RSBN1: variants seen among roughly 807,000 people sequenced by gnomAD.
RSBN1 encodes the protein round spermatid basic protein 1.
A neutral mutation model predicts 74.8 loss-of-function variants in RSBN1; 23 were observed. That is an observed-to-expected ratio of 0.31 (90% CI 0.22 to 0.44). RSBN1 has a LOEUF of 0.44. RSBN1 is among the 20% of genes least tolerant of loss of function. RSBN1 has a pLI of 1.00. For synonymous variants in RSBN1, 407 were observed against 379.6 expected (o/e 1.07, Z -0.84); for missense variants, 808 against 1,020.9 (o/e 0.79, Z 2.84).
Position 113,797,402 on chromosome 1 carries a change from T to C in RSBN1, c.1338A>G (p.Lys446=), listed in dbSNP as rs1296152208. 6.2e-7 allele frequency: 1 copy of C among 1,610,718 alleles called. No homozygotes were observed. Among genetic ancestry groups the C allele is most frequent in the Admixed American group, 1.7e-5 (1 of 58,836 alleles). Residue 446 remains lysine (K), a synonymous_variant, in exon 2 of 7, where the codon AAA becomes AAG. Coordinates refer to ENST00000261441, the MANE Select transcript of RSBN1 (RefSeq NM_018364.5). ...TTGAAATGGTGGTTGTTTCAATATCTTTCTTGCCCAGAATTTCCATTTTCA... is the reference window on the plus strand; with the variant it reads ...TTGAAATGGTGGTTGTTTCAATATCCTTCTTGCCCAGAATTTCCATTTTCA... ...TPVKMEILGK[K]DIETTTISNF... is the part of the protein sequence containing the mutation.
At chr1:113,772,554 A>G (rs983693513) in intron 4 of RSBN1, among the ~76,000 whole-genome samples, 2 of 152,190 alleles carry the variant, frequency 1.3e-5, no homozygotes, top group Non-Finnish European at 2.9e-5. Context: ...CTCTGTACAC[A>G]TATTTCTTTA....
At chr1:113,771,849 G>A (rs113126382) in intron 4 of RSBN1, among the ~76,000 whole-genome samples, 385 of 144,072 alleles carry the variant, frequency 2.7e-3, no homozygotes, top group African/African-American at 9.2e-3. Context: ...ATCAGAAACT[G>A]CAGGAAAAAC....
chr1:113,776,494 A>G (rs1660028882), intron 4 of RSBN1, among the ~76,000 whole-genome samples: 1 of 152,188 alleles, frequency 6.6e-6, no homozygotes. Flanking sequence ...GGCATATGCC[A>G]CTGTGCCCAG....
At chr1:113,768,758 C>CA (rs57916887) in intron 4 of RSBN1, among the ~76,000 whole-genome samples, 151,478 of 152,054 alleles carry the variant, frequency 1, 75,456 homozygotes, top group Non-Finnish European at 1. Flanking sequence ...ACACAGTTAA[C>CA]AAAACTCTGG....
intron 2 of RSBN1, among the ~76,000 whole-genome samples, chr1:113,795,189 C>T (rs1660446345): frequency 6.6e-6 from 1 of 152,206 alleles, no homozygotes; most frequent in African/African-American, 2.4e-5. Flanking sequence ...CTAATCTCTT[C>T]TCCATGGTAA....
chr1:113,802,122 T>A (rs1660597633), intron 1 of RSBN1, among the ~76,000 whole-genome samples: 1 of 152,066 alleles, frequency 6.6e-6, no homozygotes, highest in South Asian at 2.1e-4. Flanking sequence ...GCCCAGCTAA[T>A]TCTTGTATTT....
At position 113,793,085 on chromosome 1, in the gene RSBN1, C is replaced by A. The variant is rs186902803; in HGVS notation, c.1377+4278G>T. 3.9e-5 allele frequency among the ~76,000 whole-genome samples: 6 copies of A among 152,286 alleles called. No individual in the cohort carries two copies. In the East Asian group the frequency reaches 1.2e-3, roughly 29 times the overall value. The stretch of plus-strand genomic sequence containing the variant: ...TTTCATTTTTCTTGCACAAAATCTA[C>A]ATTTTACTTTCTCCTGCTTAGAGGA... On this transcript the variant is annotated intron_variant, in intron 2 of 6. Transcript: ENST00000261441.
rs535707539 is a variant in RSBN1, at chr1:113,811,582, C to A, written c.703+128G>T. ...AACGATCTGAAATCCAGGGTCCACCCCAGTGAGCTTAGAGAAGTACAGCAG... is the reference window on the plus strand; with the variant it reads ...AACGATCTGAAATCCAGGGTCCACCACAGTGAGCTTAGAGAAGTACAGCAG... On this transcript the variant is annotated intron_variant, in intron 1 of 6. Transcript: ENST00000261441. 3 of 1,382,862 alleles carry A rather than the reference C, an allele frequency of 2.2e-6. No homozygotes were observed. The South Asian group carries it at 5.1e-5, about 24-fold the overall frequency. 85.7% of individuals were successfully genotyped at this position (1,382,862 alleles called of 1,614,324 possible). A position where few individuals can be genotyped will look rare whatever the true frequency, so the allele number is the denominator to read the frequency against.
chr1:113,781,374 T>C (rs1660137084), intron 2 of RSBN1, among the ~76,000 whole-genome samples: 1 of 152,168 alleles, frequency 6.6e-6, no homozygotes, highest in Admixed American at 6.5e-5. Flanking sequence ...GATGACCTCT[T>C]CACAACCAAA....
intron 2 of RSBN1, among the ~76,000 whole-genome samples, chr1:113,779,164 T>C (rs1660088924): frequency 1.3e-5 from 2 of 152,190 alleles, no homozygotes; most frequent in Non-Finnish European, 2.9e-5. Flanking sequence ...ATAAAATGGC[T>C]CTTTAATGAA....
chr1:113,776,531 A>G (rs982033943), intron 4 of RSBN1, among the ~76,000 whole-genome samples: 1 of 152,112 alleles, frequency 6.6e-6, no homozygotes, highest in African/African-American at 2.4e-5. Context: ...AAAATGTATT[A>G]AGTTTGCTGT....
intron 4 of RSBN1, among the ~76,000 whole-genome samples, chr1:113,770,870 G>C (rs1449803466): frequency 6.6e-6 from 1 of 151,896 alleles, no homozygotes; most frequent in Non-Finnish European, 1.5e-5. Flanking sequence ...AAAGATAATA[G>C]GAAATATGAG....
At chr1:113,788,692 TC>T (rs1660306186) in intron 2 of RSBN1, among the ~76,000 whole-genome samples, 1 of 151,994 alleles carries the variant, frequency 6.6e-6, no homozygotes, top group Admixed American at 6.6e-5. Context: ...AAAGAAAAAT[TC>T]TTCAGATGTG....
chr1:113,772,989 G>A (rs1557995293), intron 4 of RSBN1, among the ~76,000 whole-genome samples: 1 of 151,902 alleles, frequency 6.6e-6, no homozygotes. Context: ...ATTGCTAAAG[G>A]AGAAACCTCA....
intron 2 of RSBN1, among the ~76,000 whole-genome samples, chr1:113,779,830 G>A (rs1660101702): frequency 6.6e-6 from 1 of 150,450 alleles, no homozygotes; most frequent in East Asian, 2.0e-4. Context: ...AGACCAGCCT[G>A]GCCGAGATGG....
chr1:113,765,914 G>A lies in RSBN1; in HGVS notation c.*66C>T. The A allele has an allele frequency of 8.2e-7, 1 of 1,225,546 alleles. No individual in the cohort carries two copies. The highest frequency in any genetic ancestry group is 1.1e-6 in the Non-Finnish European group (1 of 877,744). The allele number at this position is 1,225,546 out of a possible 1,614,324, so 75.9% of individuals were successfully genotyped here. ...CTCCAATAAAACTTAACTTAAGCCA[G>A]TTATAAAACTATAACTTCACATCAA... On this transcript the variant is annotated 3_prime_UTR_variant, in exon 7 of 7. Coordinates refer to ENST00000261441, the MANE Select transcript of RSBN1 (RefSeq NM_018364.5).
At chr1:113,777,896 G>T in intron 2 of RSBN1, 88 bp from the exon 3 acceptor site, 1 of 1,244,542 alleles carries the variant, frequency 8.0e-7, no homozygotes, top group Non-Finnish European at 1.1e-6. Flanking sequence ...TTCCAACGTT[G>T]CCATTTCTTC....
intron 1 of RSBN1, among the ~76,000 whole-genome samples, chr1:113,806,461 G>A (rs188796550): frequency 1.7e-3 from 257 of 151,922 alleles, no homozygotes; most frequent in Non-Finnish European, 3.1e-3. Flanking sequence ...CCTTAGGCAA[G>A]AAGAAAAAAA....
intron 2 of RSBN1, among the ~76,000 whole-genome samples, chr1:113,785,444 G>C (rs1660222085): frequency 6.6e-6 from 1 of 152,098 alleles, no homozygotes; most frequent in Non-Finnish European, 1.5e-5. Flanking sequence ...GAATTTTTCA[G>C]CTCCATTATA....
Sources: allele counts gnomAD v4.1 joint callset (sites outside exome capture counted in the v4.1 genomes callset), GRCh38; gene constraint gnomAD v4.1.1; transcripts MANE v1.5; gene names NCBI Gene and HGNC (gene_info 2026-07-23, HGNC 2026-07-21).